The following RAD51B variants were observed in gnomAD, a reference collection of about 807,000 sequenced individuals.
RAD51B encodes DNA repair protein RAD51 homolog 2.
RAD51B carries 38 observed loss-of-function variants against 42.2 expected under a neutral mutation model. The observed-to-expected ratio is 0.90, with a 90% CI of 0.70 to 1.18. The LOEUF is 1.18. Ranked by LOEUF, RAD51B falls within the 50% of genes most tolerant of loss-of-function variation. RAD51B has a pLI of 0.00. For missense variants in RAD51B, 373 were observed against 400.7 expected (o/e 0.93, Z 0.59); for synonymous variants, 154 against 145.2 (o/e 1.06, Z -0.43).
At chr14:68,603,913 T>C (rs1287604962) in intron 10 of RAD51B, among the ~76,000 whole-genome samples, 1 of 152,196 alleles carries the variant, frequency 6.6e-6, no homozygotes, top group Non-Finnish European at 1.5e-5. Flanking sequence ...TTCCTTCAAC[T>C]TTCTTCAGCC....
chr14:68,371,723 C>T (rs1040372424), intron 8 of RAD51B, among the ~76,000 whole-genome samples: 7 of 152,122 alleles, frequency 4.6e-5, no homozygotes, highest in Admixed American at 6.5e-5. Flanking sequence ...TGGTGGTGTG[C>T]ACCTGTAGTC....
At chr14:67,827,657 A>G (rs1384105064) in intron 3 of RAD51B, among the ~76,000 whole-genome samples, 1 of 151,956 alleles carries the variant, frequency 6.6e-6, no homozygotes, top group African/African-American at 2.4e-5. Context: ...ACAGGCCCCA[A>G]TGTGTGTTGT....
intron 7 of RAD51B, among the ~76,000 whole-genome samples, chr14:67,967,900 T>C (rs2074815915): frequency 6.6e-6 from 1 of 152,192 alleles, no homozygotes; most frequent in Admixed American, 6.5e-5. Flanking sequence ...AAACCCATAT[T>C]TCCCTTCCAC....
rs1451613711 is a variant in RAD51B, at chr14:67,842,715, C to CT, written c.315+7520dup. 2.0e-5 allele frequency among the ~76,000 whole-genome samples: 3 copies of CT among 152,280 alleles called. No homozygotes were observed. In the East Asian group the frequency reaches 5.8e-4, roughly 29 times the overall value. ...ATTGCTCTGGCTAGGACTTCCTGTA[C>CT]TATGTTGAATAGGAGTGGTGAGACT... On this transcript the variant is annotated intron_variant, in intron 4 of 10. Coordinates refer to ENST00000471583, the MANE Select transcript of RAD51B (RefSeq NM_133510.4).
At chr14:67,880,120 T>G (rs997071423) in intron 5 of RAD51B, among the ~76,000 whole-genome samples, 2 of 152,228 alleles carry the variant, frequency 1.3e-5, no homozygotes, top group Non-Finnish European at 1.5e-5. Flanking sequence ...ATTTCATTAG[T>G]ATCTCCACTG....
intron 10 of RAD51B, among the ~76,000 whole-genome samples, chr14:68,581,710 AGCAAAAAGAACAAACCTGGAG>A (rs1459810735): frequency 6.6e-6 from 1 of 152,218 alleles, no homozygotes; most frequent in Non-Finnish European, 1.5e-5. Flanking sequence ...GACAATCCTA[AGCAAAAAGAACAAACCTGGAG>A]GCATCACGCT....
intron 10 of RAD51B, among the ~76,000 whole-genome samples, chr14:68,556,561 G>A (rs1309609197): frequency 6.6e-6 from 1 of 152,146 alleles, no homozygotes; most frequent in South Asian, 2.1e-4. Flanking sequence ...GGAAGAACAA[G>A]ACTGAGGAGT....
intron 8 of RAD51B, among the ~76,000 whole-genome samples, chr14:68,308,660 A>G (rs966324929): frequency 3.4e-5 from 5 of 147,470 alleles, no homozygotes; most frequent in African/African-American, 1.3e-4. Context: ...ATGATTTGAG[A>G]TGATTCTTTA....
chr14:67,965,040 G>T (rs1232567990), intron 7 of RAD51B, among the ~76,000 whole-genome samples: 1 of 152,190 alleles, frequency 6.6e-6, no homozygotes, highest in Non-Finnish European at 1.5e-5. Flanking sequence ...ACATGGTATT[G>T]CAGCAGGTGC....
intron 7 of RAD51B, among the ~76,000 whole-genome samples, chr14:68,112,303 A>G (rs1360211242): frequency 2.6e-5 from 4 of 151,998 alleles, no homozygotes; most frequent in Non-Finnish European, 5.9e-5. Context: ...TTGAGGCTCA[A>G]TCTCAACTGT....
intron 7 of RAD51B, among the ~76,000 whole-genome samples, chr14:67,966,389 G>A (rs1166191865): frequency 6.6e-6 from 1 of 152,176 alleles, no homozygotes; most frequent in Non-Finnish European, 1.5e-5. Flanking sequence ...CCTAACCATT[G>A]CATCTTTCTG....
At chr14:68,350,802 T>C (rs2082770800) in intron 8 of RAD51B, among the ~76,000 whole-genome samples, 1 of 152,212 alleles carries the variant, frequency 6.6e-6, no homozygotes, top group Non-Finnish European at 1.5e-5. Flanking sequence ...TGGCTTAATA[T>C]CATTCACCAT....
intron 9 of RAD51B, among the ~76,000 whole-genome samples, chr14:68,429,154 T>C (rs1436532068): frequency 1.3e-5 from 2 of 152,184 alleles, no homozygotes; most frequent in Non-Finnish European, 2.9e-5. Context: ...CAGTCTATCA[T>C]TGATGGACAT....
chr14:68,622,734 A>C (rs1891978677), intron 10 of RAD51B, among the ~76,000 whole-genome samples: 1 of 151,814 alleles, frequency 6.6e-6, no homozygotes, highest in African/African-American at 2.4e-5. Flanking sequence ...AAAAAAAAAA[A>C]AAAAAAAAAC....
At chr14:67,979,293 T>G (rs1421013514) in intron 7 of RAD51B, among the ~76,000 whole-genome samples, 1 of 152,248 alleles carries the variant, frequency 6.6e-6, no homozygotes, top group Non-Finnish European at 1.5e-5. Flanking sequence ...TATTAAACTC[T>G]GATTTCTAAT....
At chr14:67,850,225 C>A (rs183668385) in intron 4 of RAD51B, among the ~76,000 whole-genome samples, 1 of 152,310 alleles carries the variant, frequency 6.6e-6, no homozygotes, top group East Asian at 1.9e-4. Flanking sequence ...CTCAAGCAAT[C>A]CTCCTGCTTT....
At chr14:68,672,602 G>T (rs1893181060) in intron 11 of RAD51B, among the ~76,000 whole-genome samples, 1 of 152,168 alleles carries the variant, frequency 6.6e-6, no homozygotes, top group Non-Finnish European at 1.5e-5. Context: ...CAAAGGGTGG[G>T]AACCTAAAAC....
chr14:68,618,337 C>A (rs1386177616), intron 10 of RAD51B, among the ~76,000 whole-genome samples: 1 of 152,160 alleles, frequency 6.6e-6, no homozygotes, highest in Non-Finnish European at 1.5e-5. Context: ...GATGTTTATT[C>A]CCCTAGATCC....
intron 7 of RAD51B, among the ~76,000 whole-genome samples, chr14:67,906,218 C>G (rs1392846511): frequency 2.0e-5 from 3 of 152,090 alleles, no homozygotes; most frequent in Non-Finnish European, 4.4e-5. Flanking sequence ...GCATGTTGAG[C>G]CAACCTTGCA....
Sources: gnomAD v4.1 joint callset for allele counts (sites outside exome capture counted in the v4.1 genomes callset) on GRCh38, gnomAD v4.1.1 for gene constraint, MANE v1.5 for transcripts, NCBI Gene and HGNC (gene_info 2026-07-23, HGNC 2026-07-21) for gene names.